POFUT2: variants seen among roughly 807,000 people sequenced by gnomAD.
POFUT2 encodes the protein protein O-fucosyltransferase 2, also known as GDP-fucose protein O-fucosyltransferase 2.
POFUT2 carries 30 observed loss-of-function variants against 55.0 expected under a neutral mutation model. The ratio of observed to expected loss-of-function variants is 0.55; its 90% CI spans 0.41 to 0.74. The LOEUF is 0.74. Among genes scored for constraint, POFUT2 ranks in the 30% least tolerant of loss-of-function variants. The probability of loss-of-function intolerance (pLI) is 0.00; values close to 1 mark genes in which losing one functional copy is unlikely to be tolerated. For synonymous variants in POFUT2, 267 were observed against 231.1 expected (o/e 1.16, Z -1.41); for missense variants, 524 against 562.6 (o/e 0.93, Z 0.69).
rs1417836139 is a variant in POFUT2, at chr21:45,285,146, C to G, written c.382+532G>C. 1.8e-4 allele frequency: 30 copies of G among 165,970 alleles called. No homozygotes were observed. Among genetic ancestry groups the G allele is most frequent in the Admixed American group, 1.7e-3 (29 of 16,788 alleles). 10.3% of individuals were successfully genotyped at this position (165,970 alleles called of 1,614,324 possible). ...AGTGCAGCAGCAAAGCATCACTTAC[C>G]TTTATCTCTTCCAAACAACGCAACA... is the stretch of plus-strand genomic sequence containing the variant. On this transcript the variant is annotated intron_variant, in intron 2 of 8. Coordinates refer to ENST00000349485, the MANE Select transcript of POFUT2 (RefSeq NM_133635.6). This position sits in a 1 kb window ranked among gnomAD's most constrained non-coding sequence, Gnocchi z 4.9.
chr21:45,271,722 A>G (rs1378745828), intron 6 of POFUT2, among the ~76,000 whole-genome samples: 1 of 152,236 alleles, frequency 6.6e-6, no homozygotes, highest in Non-Finnish European at 1.5e-5. Context: ...CCTACAAGCT[A>G]CAAGGGACTG....
intron 6 of POFUT2, among the ~76,000 whole-genome samples, chr21:45,275,895 AAT>A (rs1555946767): frequency 6.6e-6 from 1 of 152,034 alleles, no homozygotes; most frequent in Non-Finnish European, 1.5e-5. Context: ...AAAAAAAAAA[AAT>A]GATAAAATAA....
At position 45,285,506 on chromosome 21, in the gene POFUT2, G is replaced by A. The variant is rs1425298411; in HGVS notation, c.382+172C>T. 5 of 752,274 alleles carry A rather than the reference G, an allele frequency of 6.6e-6. No individual in the cohort carries two copies. Among genetic ancestry groups the A allele is most frequent in the Admixed American group, 2.0e-5 (1 of 49,910 alleles). The allele number at this position is 752,274 out of a possible 1,614,324, so 46.6% of individuals were successfully genotyped here. On this transcript the variant is annotated intron_variant, in intron 2 of 8. Transcript: ENST00000349485. This position sits in a 1 kb window ranked among gnomAD's most constrained non-coding sequence, Gnocchi z 4.9. ...CTCACTGCAGCGTGGGAAAGGGACT[G>A]TGCTCCTGAACGGAGGAGGTGCTGC...
intron 4 of POFUT2, among the ~76,000 whole-genome samples, chr21:45,278,458 G>C (rs1007663780): frequency 3.3e-5 from 5 of 152,228 alleles, no homozygotes; most frequent in African/African-American, 7.2e-5. Flanking sequence ...TGGGCAAAAG[G>C]CTTGGAATCC....
chr21:45,273,315 C>T (rs1431307083), intron 6 of POFUT2, among the ~76,000 whole-genome samples: 3 of 152,108 alleles, frequency 2.0e-5, no homozygotes, highest in Non-Finnish European at 4.4e-5. Context: ...ATACACAACC[C>T]TTCTAGATAT....
rs2093133680 is a variant in POFUT2 at position 45,264,186 on chromosome 21, G to C, written c.*1296C>G. On this transcript the variant is annotated 3_prime_UTR_variant, in exon 9 of 9. Coordinates refer to ENST00000349485, the MANE Select transcript of POFUT2 (RefSeq NM_133635.6). ...CAAGGTGATGTCCTAGACTAGCCAGGCTCCGAAAGGAAGAGCTGTCTGTCC... is the reference window on the plus strand; with the variant it reads ...CAAGGTGATGTCCTAGACTAGCCAGCCTCCGAAAGGAAGAGCTGTCTGTCC... The C allele has an allele frequency of 6.7e-6, 1 of 148,658 alleles. No homozygotes were observed. Among genetic ancestry groups the C allele is most frequent in the African/African-American group, 2.5e-5 (1 of 39,686 alleles). 9.2% of individuals were successfully genotyped at this position (148,658 alleles called of 1,614,324 possible).
chr21:45,280,673 G>T (rs557262049), intron 4 of POFUT2, among the ~76,000 whole-genome samples: 1 of 147,902 alleles, frequency 6.8e-6, no homozygotes, highest in Non-Finnish European at 1.5e-5. Flanking sequence ...ACCCCAGGCT[G>T]CCCGTCCCTC....
chr21:45,283,257 G>GC (rs1164770523), intron 3 of POFUT2, 126 bp downstream of exon 3: 15 of 459,182 alleles, frequency 3.3e-5, no homozygotes, highest in South Asian at 2.5e-4. Context: ...CTGCAGGGGG[G>GC]GCGGGGGGCA....
In POFUT2 at chr21:45,277,655, C is replaced by T. The variant is rs907867757; in HGVS notation, c.705+448G>A. The stretch of plus-strand genomic sequence containing the variant: ...TCCACGGGAGGGGGCAGCCACTTCC[C>T]GCCCTCTGCTCCCACTCACTCACAG... On this transcript the variant is annotated intron_variant, in intron 5 of 8. Transcript: ENST00000349485. The surrounding 1 kb of genome is among the most constrained non-coding windows in gnomAD (Gnocchi z 6.9). 8 of 225,136 alleles carry T rather than the reference C, an allele frequency of 3.6e-5. No homozygotes were observed. The highest frequency in any genetic ancestry group is 2.3e-4 in the East Asian group (2 of 8,754). The allele number at this position is 225,136 out of a possible 1,614,324, so 13.9% of individuals were successfully genotyped here.
chr21:45,269,873 G>T lies in POFUT2; in HGVS notation c.978C>A (p.Asp326Glu). ...IRSLMKTHRL[D>E]KVFVATDAVR... The stretch of plus-strand genomic sequence containing the variant: ...CGGCATCTGTGGCCACAAACACCTT[G>T]TCCAGCCGGTGGGTCTTCATGAGGC... The change falls in exon 7 of 9, where the codon GAC becomes GAA. Residue 326 changes from aspartate to glutamate, a missense_variant. Around this residue, in one of 2 missense-constraint regions of POFUT2, gnomAD observed 250 missense variants for 318.2 expected, o/e 0.79. Transcript: ENST00000349485. The T allele has an allele frequency of 6.2e-7, 1 of 1,610,188 alleles. No individual in the cohort carries two copies.
intron 7 of POFUT2, among the ~76,000 whole-genome samples, chr21:45,269,421 CTT>C (rs1372525191): frequency 2.0e-5 from 3 of 152,044 alleles, no homozygotes; most frequent in Non-Finnish European, 2.9e-5. Context: ...ACATGGGAGA[CTT>C]TTCATTTTGT....
In POFUT2 at chr21:45,283,462, CT is replaced by C; in HGVS notation, c.447del (p.Thr151ProfsTer38). On this transcript the variant is annotated frameshift_variant, in exon 3 of 9. Coordinates refer to ENST00000349485, the MANE Select transcript of POFUT2 (RefSeq NM_133635.6). LOFTEE classifies it high-confidence loss of function. ...VLQSYAEGWK[E>X]GTWEEKVDER... Reference sequence around the variant, plus strand: ...TCGTCCACCTTCTCTTCCCAGGTCCCTTCTTTCCACCCCTCTGCGTAACTTT... The same window carrying C: ...TCGTCCACCTTCTCTTCCCAGGTCCCTCTTTCCACCCCTCTGCGTAACTTT... 1 of 1,613,938 alleles carries C rather than the reference CT, an allele frequency of 6.2e-7. No individual in the cohort carries two copies. The highest frequency in any genetic ancestry group is 8.5e-7 in the Non-Finnish European group (1 of 1,179,932).
In POFUT2 at chr21:45,265,241, C is replaced by T. The variant is rs1411730939; in HGVS notation, c.*241G>A. ...CAACCGAGCTGTGGGTTCACAGACG[C>T]TGCCTGAAAACAACCGCCACCCCCG... On this transcript the variant is annotated 3_prime_UTR_variant, in exon 9 of 9. Coordinates refer to ENST00000349485, the MANE Select transcript of POFUT2 (RefSeq NM_133635.6). The surrounding 1 kb of genome is among the most constrained non-coding windows in gnomAD (Gnocchi z 4.6). The T allele has an allele frequency of 5.0e-5, 20 of 400,974 alleles. No homozygotes were observed. The East Asian group carries it at 7.7e-4, about 16-fold the overall frequency. 24.8% of individuals were successfully genotyped at this position (400,974 alleles called of 1,614,324 possible). A position where few individuals can be genotyped will look rare whatever the true frequency, so the allele number is the denominator to read the frequency against.
chr21:45,266,998 G>A (rs2093161236), intron 8 of POFUT2: 7 of 1,042,152 alleles, frequency 6.7e-6, no homozygotes, highest in South Asian at 3.3e-5. Context: ...CTGCACGCAG[G>A]GCCCACGCTC....
intron 2 of POFUT2, among the ~76,000 whole-genome samples, chr21:45,283,823 C>T (rs560323039): frequency 7.9e-5 from 12 of 152,290 alleles, no homozygotes; most frequent in Non-Finnish European, 1.2e-4. Flanking sequence ...TGAGCCCATC[C>T]GGCCCTCACG....
At position 45,277,919 on chromosome 21, in the gene POFUT2, T is replaced by A; in HGVS notation, c.705+184A>T. 1 of 658,692 alleles carries A rather than the reference T, an allele frequency of 1.5e-6. No homozygotes were observed. The highest frequency in any genetic ancestry group is 2.6e-5 in the East Asian group (1 of 38,876). 40.8% of individuals were successfully genotyped at this position (658,692 alleles called of 1,614,324 possible). ...GTGGCCCTGCGGGCTCCCGAGGACC[T>A]GGCTCTGCAGCCACGTGAGGCTTGG... On this transcript the variant is annotated intron_variant, in intron 5 of 8. Coordinates refer to ENST00000349485, the MANE Select transcript of POFUT2 (RefSeq NM_133635.6). The surrounding 1 kb of genome is among the most constrained non-coding windows in gnomAD (Gnocchi z 6.9).
intron 8 of POFUT2, chr21:45,266,546 A>C: frequency 9.3e-7 from 1 of 1,075,018 alleles, no homozygotes; most frequent in Non-Finnish European, 1.1e-6. Flanking sequence ...CGCAGTCAAA[A>C]TCCCAAGGCC....
At chr21:45,272,541 C>T (rs1024218847) in intron 6 of POFUT2, among the ~76,000 whole-genome samples, 2 of 152,086 alleles carry the variant, frequency 1.3e-5, no homozygotes, top group African/African-American at 2.4e-5. Flanking sequence ...CAAACTATAC[C>T]CTGGAACAAG....
chr21:45,274,312 A>C (rs928242747), intron 6 of POFUT2, among the ~76,000 whole-genome samples: 2 of 152,254 alleles, frequency 1.3e-5, no homozygotes, highest in Admixed American at 1.3e-4. Context: ...AAGAATTCAT[A>C]GACAACAAAA....
Sources: gnomAD v4.1 joint callset for allele counts (sites outside exome capture counted in the v4.1 genomes callset) on GRCh38, gnomAD v4.1.1 for gene constraint, gnomAD v4.1.1 regional missense constraint, Gnocchi (gnomAD v3.1) non-coding constraint, MANE v1.5 for transcripts, NCBI Gene and HGNC (gene_info 2026-07-23, HGNC 2026-07-21) for gene names.